Variants in CES1 observed in about 807,000 individuals in gnomAD.
CES1 encodes the protein liver carboxylesterase 1.
A neutral mutation model predicts 53.0 loss-of-function variants in CES1; 50 were observed. The observed-to-expected ratio is 0.94, with a 90% CI of 0.75 to 1.19. The LOEUF is 1.19. Among genes scored for constraint, CES1 ranks in the 50% most tolerant of loss-of-function variants. The pLI is 0.00. For synonymous variants in CES1, 202 were observed against 210.1 expected, an observed-to-expected ratio of 0.96 and a Z score of 0.33; for missense variants, 534 against 538.0, an observed-to-expected ratio of 0.99 and a Z score of 0.07.
Position 55,816,951 on chromosome 16 carries a change from A to C in CES1, c.918T>G (p.Ser306=). 1 of 1,614,152 alleles carries C rather than the reference A, an allele frequency of 6.2e-7. No homozygotes were observed. Among genetic ancestry groups the C allele is most frequent in the Non-Finnish European group, 8.5e-7 (1 of 1,180,006 alleles). The change falls in exon 8 of 14, where the codon TCT becomes TCG. Residue 306 remains serine, a synonymous_variant. Coordinates refer to ENST00000360526, the MANE Select transcript of CES1 (RefSeq NM_001025195.2). ...LETTLKMKFL[S]LDLQGDPRES... Reference sequence around the variant, plus strand: ...CTCTGGGGTCTCCCTGTAAGTCCAGAGATAAGAATTTCTGTGAAGACAAAG... The same window carrying C: ...CTCTGGGGTCTCCCTGTAAGTCCAGCGATAAGAATTTCTGTGAAGACAAAG...
At chr16:55,816,240 G>A (rs866688646) in intron 8 of CES1, among the ~76,000 whole-genome samples, 6 of 152,192 alleles carry the variant, frequency 3.9e-5, no homozygotes, top group Non-Finnish European at 7.4e-5. Context: ...GTCCCAAGAG[G>A]GTAGGGAGTC....
rs373709308 is a variant in CES1, at chr16:55,829,687, A to G, written c.53-713T>C. Among the ~76,000 whole-genome samples the G allele has an allele frequency of 8.6e-3, 1,303 of 152,110 alleles. 15 individuals carry two copies. Among genetic ancestry groups the G allele is most frequent in the African/African-American group, 0.028 (1,148 of 41,488 alleles). On this transcript the variant is annotated intron_variant, in intron 1 of 13. Coordinates refer to ENST00000360526, the MANE Select transcript of CES1 (RefSeq NM_001025195.2). ...GAAAATATTCCTGGAATGAGACCGC[A>G]CATGTCAGGGAGGGCTTAGAATGCC...
chr16:55,811,742 A>G (rs1432828370), intron 9 of CES1, among the ~76,000 whole-genome samples: 3 of 148,614 alleles, frequency 2.0e-5, no homozygotes, highest in Non-Finnish European at 4.5e-5. Flanking sequence ...GCCTGCAATG[A>G]TAAACACTTT....
At chr16:55,819,713 C>T in intron 6 of CES1, 74 bp from the exon 7 acceptor site, 1 of 1,271,586 alleles carries the variant, frequency 7.9e-7, no homozygotes, top group South Asian at 1.2e-5. Context: ...AAGTGGCATT[C>T]TATCCCAAGC....
rs375003444 is a variant in CES1 at position 55,810,501 on chromosome 16, G to A, written c.1318+16C>T. ...CGTGGGGTTTGTGTCCCTCCCGTTC[G>A]ACCTCTGGGACTCACCTCTGTGGTT... On this transcript the variant is annotated intron_variant, in intron 11 of 13. Coordinates refer to ENST00000360526, the MANE Select transcript of CES1 (RefSeq NM_001025195.2). 32 of 1,613,876 alleles carry A rather than the reference G, an allele frequency of 2.0e-5. No individual in the cohort carries two copies. In the African/African-American group the frequency reaches 2.0e-4, roughly 10 times the overall value.
chr16:55,822,182 A>G (rs1319934706), intron 4 of CES1, among the ~76,000 whole-genome samples: 1 of 152,242 alleles, frequency 6.6e-6, no homozygotes, highest in African/African-American at 2.4e-5. Flanking sequence ...GGAGCATGGG[A>G]AGCCCCTGCA....
chr16:55,815,390 G>T (rs1249126597), intron 8 of CES1, among the ~76,000 whole-genome samples: 1 of 152,192 alleles, frequency 6.6e-6, no homozygotes, highest in African/African-American at 2.4e-5. Context: ...ACATGGAAAT[G>T]GGGAGAGAAG....
intron 1 of CES1, among the ~76,000 whole-genome samples, chr16:55,832,690 T>C (rs1167386405): frequency 5.3e-5 from 8 of 151,970 alleles, no homozygotes; most frequent in Non-Finnish European, 1.2e-4. Flanking sequence ...GATCCAGCCG[T>C]AAGGGGACTA....
intron 9 of CES1, among the ~76,000 whole-genome samples, chr16:55,812,601 C>T (rs2031746924): frequency 6.6e-6 from 1 of 152,180 alleles, no homozygotes; most frequent in African/African-American, 2.4e-5. Context: ...CCCTTCTAGG[C>T]CCCCTCCGTT....
In CES1 at chr16:55,812,948, G is replaced by T; in HGVS notation, c.1041C>A (p.Tyr347Ter). ...QAERNFHTVP[Y>*]MVGINKQEFG... ...ACTCCTGCTTGTTAATTCCGACCAT[G>T]TAGGGGACAGTGTGGAAATTCCTTT... Residue 347 changes from tyrosine to a stop codon, truncating the protein, a stop_gained, in exon 9 of 14, where the codon TAC (tyrosine) becomes TAA (stop). Coordinates refer to ENST00000360526, the MANE Select transcript of CES1 (RefSeq NM_001025195.2). LOFTEE classifies it high-confidence loss of function. The T allele has an allele frequency of 1.2e-6, 2 of 1,614,078 alleles. No homozygotes were observed. Among genetic ancestry groups the T allele is most frequent in the Non-Finnish European group, 1.7e-6 (2 of 1,179,948 alleles).
At chr16:55,830,894 G>T (rs1447735263) in intron 1 of CES1, among the ~76,000 whole-genome samples, 5 of 151,980 alleles carry the variant, frequency 3.3e-5, no homozygotes, top group African/African-American at 9.7e-5. Flanking sequence ...GAAAAGAAAA[G>T]ACTTGGTCCC....
At chr16:55,828,594 A>G (rs1239417977) in intron 2 of CES1, among the ~76,000 whole-genome samples, 173 bp downstream of exon 2, 1 of 151,904 alleles carries the variant, frequency 6.6e-6, no homozygotes, top group Non-Finnish European at 1.5e-5. Context: ...TGCTCAATAA[A>G]CATGTGTTAA....
intron 3 of CES1, among the ~76,000 whole-genome samples, chr16:55,825,942 T>C (rs1456226600): frequency 1.3e-5 from 2 of 152,240 alleles, no homozygotes; most frequent in Non-Finnish European, 2.9e-5. Flanking sequence ...TCATTAAAGA[T>C]GCAAAACAAA....
intron 8 of CES1, among the ~76,000 whole-genome samples, chr16:55,814,254 G>A (rs1405032371): frequency 2.0e-5 from 3 of 152,174 alleles, no homozygotes; most frequent in East Asian, 1.9e-4. Flanking sequence ...CTTAATTTTA[G>A]GTTTCACCTT....
intron 2 of CES1, among the ~76,000 whole-genome samples, 165 bp from the exon 3 acceptor site, chr16:55,826,460 G>C (rs573920001): frequency 6.6e-6 from 1 of 152,104 alleles, no homozygotes; most frequent in Non-Finnish European, 1.5e-5. Flanking sequence ...TCAGGTGGGG[G>C]CGCTGGGACT....
Position 55,822,281 on chromosome 16 carries a change from C to A in CES1, c.540-760G>T, listed in dbSNP as rs1264066142. Among the ~76,000 whole-genome samples, 3 of 152,212 alleles carry A rather than the reference C, an allele frequency of 2.0e-5. No homozygotes were observed. The East Asian group carries it at 5.8e-4, about 29-fold the overall frequency. ...GCAACTCAGCTTTATATAAAAGTGG[C>A]AGGGATCTGAAAGTGTTAAAGATCA... On this transcript the variant is annotated intron_variant, in intron 4 of 13. Transcript: ENST00000360526.
intron 8 of CES1, among the ~76,000 whole-genome samples, chr16:55,813,424 A>G (rs2031794151): frequency 6.6e-6 from 1 of 152,114 alleles, no homozygotes; most frequent in Admixed American, 6.5e-5. Context: ...GAATTAGAGA[A>G]TACAGGGTCA....
chr16:55,813,152 C>A (rs1437357362), intron 8 of CES1, 109 bp from the exon 9 acceptor site: 10 of 1,430,330 alleles, frequency 7.0e-6, no homozygotes, highest in Admixed American at 1.7e-5. Flanking sequence ...CATGGCCATG[C>A]GCCATGGCTG....
At chr16:55,808,936 A>G (rs1291903618) in intron 11 of CES1, among the ~76,000 whole-genome samples, 1 of 152,140 alleles carries the variant, frequency 6.6e-6, no homozygotes, top group Non-Finnish European at 1.5e-5. Context: ...GCCTCCAGGT[A>G]GTGGAAATGA....
Sources: gnomAD v4.1 joint callset for allele counts (sites outside exome capture counted in the v4.1 genomes callset) on GRCh38, gnomAD v4.1.1 for gene constraint, MANE v1.5 for transcripts, NCBI Gene and HGNC (gene_info 2026-07-23, HGNC 2026-07-21) for gene names.